Variants in WWOX observed in about 807,000 individuals in gnomAD.
WWOX encodes the protein WW domain-containing oxidoreductase.
Under a neutral mutation model 46.2 loss-of-function variants are expected in WWOX, and 69 were observed. That is an observed-to-expected ratio of 1.49 (90% CI 1.23 to 1.82). The LOEUF is 1.82. Among genes scored for constraint, WWOX ranks in the 40% most tolerant of loss-of-function variants. The pLI, the probability that WWOX is intolerant of heterozygous loss-of-function variation, is 0.00. For synonymous variants in WWOX, 359 were observed against 202.6 expected (o/e 1.77, Z -6.56); for missense variants, 919 against 542.6 (o/e 1.69, Z -6.89).
chr16:78,843,332 G>C (rs1280734751), intron 8 of WWOX, among the ~76,000 whole-genome samples: 1 of 150,098 alleles, frequency 6.7e-6, no homozygotes, highest in East Asian at 1.9e-4. Flanking sequence ...AAGCCACCTA[G>C]GTCAGTGCCA....
intron 8 of WWOX, among the ~76,000 whole-genome samples, chr16:78,982,999 C>T (rs766008458): frequency 3.8e-4 from 58 of 152,138 alleles, no homozygotes; most frequent in Non-Finnish European, 4.4e-4. Flanking sequence ...TTTCCTTTGG[C>T]TGCAGTGTAA....
intron 8 of WWOX, among the ~76,000 whole-genome samples, chr16:78,774,157 C>T (rs1037884602): frequency 1.5e-4 from 23 of 152,162 alleles, no homozygotes; most frequent in African/African-American, 5.6e-4. Flanking sequence ...AATCCCAGTA[C>T]TTTGGGAGGC....
intron 8 of WWOX, among the ~76,000 whole-genome samples, chr16:78,953,424 G>A (rs1315629447): frequency 6.6e-6 from 1 of 152,084 alleles, no homozygotes; most frequent in East Asian, 1.9e-4. Context: ...AGTCAAATTT[G>A]AAACCTGTTC....
intron 8 of WWOX, among the ~76,000 whole-genome samples, chr16:78,718,836 C>T (rs189816510): frequency 5.9e-4 from 89 of 152,032 alleles, no homozygotes; most frequent in African/African-American, 2.0e-3. Context: ...TTGGAGGAGA[C>T]ATGAATAAAG....
At chr16:78,613,907 T>C (rs1173282453) in intron 8 of WWOX, among the ~76,000 whole-genome samples, 3 of 152,234 alleles carry the variant, frequency 2.0e-5, no homozygotes, top group South Asian at 2.1e-4. Flanking sequence ...TGGCCTGTTT[T>C]TGTAAATAAA....
intron 8 of WWOX, among the ~76,000 whole-genome samples, chr16:78,519,044 C>A (rs2043295428): frequency 6.6e-6 from 1 of 152,160 alleles, no homozygotes; most frequent in Non-Finnish European, 1.5e-5. Context: ...AGCTGTTTTT[C>A]TAATTTAATC....
intron 8 of WWOX, among the ~76,000 whole-genome samples, chr16:79,053,032 C>T (rs555738446): frequency 6.6e-6 from 1 of 151,986 alleles, no homozygotes; most frequent in African/African-American, 2.4e-5. Context: ...AACAGGGTTA[C>T]AGAGCAAAGT....
chr16:78,225,386 C>G (rs1197046772), intron 5 of WWOX, among the ~76,000 whole-genome samples: 1 of 152,154 alleles, frequency 6.6e-6, no homozygotes, highest in African/African-American at 2.4e-5. Flanking sequence ...TATGTTTTCT[C>G]ATGACCTCTG....
At chr16:78,924,493 C>G (rs1373512433) in intron 8 of WWOX, among the ~76,000 whole-genome samples, 1 of 152,132 alleles carries the variant, frequency 6.6e-6, no homozygotes, top group Non-Finnish European at 1.5e-5. Flanking sequence ...CTGCAGGCTA[C>G]TTGGTTGTAC....
chr16:78,277,159 C>T lies in WWOX; in HGVS notation c.517-109701C>T, dbSNP rs62035670. Among the ~76,000 whole-genome samples, 1,109 of 152,114 alleles carry T rather than the reference C, an allele frequency of 7.3e-3. 11 individuals carry two copies. The highest frequency in any genetic ancestry group is 0.017 in the Middle Eastern group (5 of 294). On this transcript the variant is annotated intron_variant, in intron 5 of 8. Coordinates refer to ENST00000566780, the MANE Select transcript of WWOX (RefSeq NM_016373.4). ...TTGATTCAGTAAAACAAGTTTAAAT[C>T]TTATTTAAATCGTTTGAAGTAGCAA...
chr16:79,124,501 C>T (rs1211135627), intron 8 of WWOX, among the ~76,000 whole-genome samples: 1 of 152,168 alleles, frequency 6.6e-6, no homozygotes, highest in Non-Finnish European at 1.5e-5. Flanking sequence ...CTCTGTCTGA[C>T]CTGTCACGTT....
intron 8 of WWOX, among the ~76,000 whole-genome samples, chr16:78,811,320 A>C (rs2051182256): frequency 6.6e-6 from 1 of 152,132 alleles, no homozygotes; most frequent in Admixed American, 6.5e-5. Context: ...GGGTTGGATA[A>C]ATCACTTCGG....
chr16:78,307,193 G>T (rs1474359532), intron 5 of WWOX, among the ~76,000 whole-genome samples: 2 of 152,134 alleles, frequency 1.3e-5, no homozygotes, highest in Non-Finnish European at 2.9e-5. Flanking sequence ...GAAGTAAGTA[G>T]GGAACTAACT....
rs770974466 is a variant in WWOX, at chr16:79,127,987, A to G, written c.1057-83621A>G. On this transcript the variant is annotated intron_variant, in intron 8 of 8. Transcript: ENST00000566780. ...GCCTGGTCTGATAGAGGAACAAGAGAGAGAGAAAGTGCATGGCAAAGACCC... is the reference window on the plus strand; with the variant it reads ...GCCTGGTCTGATAGAGGAACAAGAGGGAGAGAAAGTGCATGGCAAAGACCC... Among the ~76,000 whole-genome samples the G allele has an allele frequency of 1.1e-4, 16 of 152,276 alleles. 1 individual carries two copies. Among genetic ancestry groups the G allele is most frequent in the Middle Eastern group, 3.4e-3 (1 of 294 alleles).
In WWOX at chr16:78,164,300, G is replaced by C. The variant is rs770167376; in HGVS notation, c.516+11G>C. ...ATTTTAGAAGAATGGGTAAGTGCTT[G>C]ACTGTTGTTGTTTTTTTTAATTGTC... On this transcript the variant is annotated intron_variant, in intron 5 of 8. Coordinates refer to ENST00000566780, the MANE Select transcript of WWOX (RefSeq NM_016373.4). 1.2e-6 allele frequency: 2 copies of C among 1,611,900 alleles called. No individual in the cohort carries two copies. Among genetic ancestry groups the C allele is most frequent in the Non-Finnish European group, 1.7e-6 (2 of 1,178,556 alleles).
chr16:78,381,644 A>G (rs1434495216), intron 5 of WWOX, among the ~76,000 whole-genome samples: 1 of 152,228 alleles, frequency 6.6e-6, no homozygotes, highest in African/African-American at 2.4e-5. Context: ...ATCAGAAGGA[A>G]GAATGAAGAT....
intron 8 of WWOX, among the ~76,000 whole-genome samples, chr16:78,734,050 A>G (rs2142392686): frequency 6.6e-6 from 1 of 151,504 alleles, no homozygotes; most frequent in East Asian, 1.9e-4. Context: ...ATAAAGTAAG[A>G]TCCTGTCTGG....
chr16:78,544,003 C>T (rs757041198), intron 8 of WWOX, among the ~76,000 whole-genome samples: 2 of 152,172 alleles, frequency 1.3e-5, no homozygotes, highest in Non-Finnish European at 2.9e-5. Context: ...GATAGACTTA[C>T]ATCCCTCAGT....
At chr16:78,919,494 T>A (rs1356908766) in intron 8 of WWOX, among the ~76,000 whole-genome samples, 2 of 149,982 alleles carry the variant, frequency 1.3e-5, no homozygotes, top group African/African-American at 2.4e-5. Flanking sequence ...GTGGCTTTCT[T>A]CTCTTTTTTT....
Sources: allele counts gnomAD v4.1 joint callset (sites outside exome capture counted in the v4.1 genomes callset), GRCh38; gene constraint gnomAD v4.1.1; transcripts MANE v1.5; gene names NCBI Gene and HGNC (gene_info 2026-07-23, HGNC 2026-07-21).